AMZ1: variants seen among roughly 807,000 people sequenced by gnomAD.
The protein encoded by AMZ1 is archaemetzincin-1.
A neutral mutation model predicts 29.9 loss-of-function variants in AMZ1; 39 were observed. That is an observed-to-expected ratio of 1.30 (90% CI 1.01 to 1.70). The LOEUF is 1.70. Ranked by LOEUF, AMZ1 falls within the 40% of genes most tolerant of loss-of-function variation. The pLI is 0.00. For missense variants in AMZ1, 1,041 were observed against 680.6 expected (o/e 1.53, Z -5.89); for synonymous variants, 458 against 304.0 (o/e 1.51, Z -5.27).
chr7:2,752,264 C>T (rs546940919), intron 4 of AMZ1, among the ~76,000 whole-genome samples: 1 of 152,256 alleles, frequency 6.6e-6, no homozygotes, highest in South Asian at 2.1e-4. Flanking sequence ...AGTCCTCTCT[C>T]ACCAGACTAA....
chr7:2,712,722 C>T lies in AMZ1; in HGVS notation c.1341C>T (p.Leu447=), dbSNP rs553255676. ...GCTGGGAGATGTTCACGGGCCAGCT[C>T]CCGGCCACCAGGCAGGACCCACCCA... The part of the protein sequence containing the change: ...LDRWEMFTGQ[L]PATRQDPPSS... The change falls in exon 7 of 7, where the codon CTC becomes CTT. Residue 447 remains leucine (L), a synonymous_variant. Transcript: ENST00000683327. 5.0e-6 allele frequency: 8 copies of T among 1,609,182 alleles called. No homozygotes were observed. The highest frequency in any genetic ancestry group is 6.8e-6 in the Non-Finnish European group (8 of 1,177,728).
At chr7:2,711,436 C>G (rs1002154388) in intron 6 of AMZ1, among the ~76,000 whole-genome samples, 1 of 152,224 alleles carries the variant, frequency 6.6e-6, no homozygotes, top group Non-Finnish European at 1.5e-5. Context: ...AATGTGATGT[C>G]AGTGAGTGCT....
intron 4 of AMZ1, among the ~76,000 whole-genome samples, chr7:2,751,476 T>G (rs139459823): frequency 6.7e-6 from 1 of 149,878 alleles, no homozygotes; most frequent in Non-Finnish European, 1.5e-5. Context: ...TCAAAGAGCT[T>G]AATGAAGAGC....
Position 2,709,661 on chromosome 7 carries a change from C to T in AMZ1, c.793C>T (p.His265Tyr), listed in dbSNP as rs532321786. 7 of 1,609,992 alleles carry T rather than the reference C, an allele frequency of 4.3e-6. No individual in the cohort carries two copies. In the South Asian group the frequency reaches 7.7e-5, roughly 18 times the overall value. The change falls in exon 6 of 7, where the codon CAC (histidine) becomes TAC (tyrosine). Residue 265 changes from histidine to tyrosine, a missense_variant. Coordinates refer to ENST00000683327, the MANE Select transcript of AMZ1 (RefSeq NM_001384743.1). ...CCKVTCHELC[H>Y]LLGLGNCRWL... Reference sequence around the variant, plus strand: ...CCAGGTCACGTGCCACGAGCTCTGCCACCTTCTGGGCCTGGGGAACTGCCG... The same window carrying T: ...CCAGGTCACGTGCCACGAGCTCTGCTACCTTCTGGGCCTGGGGAACTGCCG...
intron 1 of AMZ1, among the ~76,000 whole-genome samples, chr7:2,680,221 G>A (rs1041077496): frequency 6.6e-6 from 1 of 152,152 alleles, no homozygotes; most frequent in Non-Finnish European, 1.5e-5. Context: ...TGGGATGGGA[G>A]GCGCTGAGAA....
chr7:2,731,655 C>T lies in AMZ1; in HGVS notation n.550+21839C>T. 1 of 1,612,860 alleles carries T rather than the reference C, an allele frequency of 6.2e-7. No homozygotes were observed. Among genetic ancestry groups the T allele is most frequent in the African/African-American group, 1.3e-5 (1 of 75,002 alleles). Reference sequence around the variant, plus strand: ...ACCGCTGGCCGCCCACATCCACCATCTTAAAGGGGATCTTCTTAATAACGA... The same window carrying T: ...ACCGCTGGCCGCCCACATCCACCATTTTAAAGGGGATCTTCTTAATAACGA... On this transcript the variant is annotated intron_variant and non_coding_transcript_variant, in intron 4 of 4. Transcript: ENST00000489665. The surrounding 1 kb of genome is among the most constrained non-coding windows in gnomAD (Gnocchi z 6.0).
chr7:2,742,597 C>T (rs149847001), intron 4 of AMZ1, among the ~76,000 whole-genome samples: 86 of 152,240 alleles, frequency 5.6e-4, no homozygotes, highest in African/African-American at 1.7e-3. Flanking sequence ...TGAGTCTCGC[C>T]GGCCCTTTGC....
rs112550245 is a variant in AMZ1, at chr7:2,697,924, G to C, written c.-218-2310G>C. 5.9e-3 allele frequency among the ~76,000 whole-genome samples: 903 copies of C among 152,172 alleles called. 16 individuals carry two copies. Among genetic ancestry groups the C allele is most frequent in the African/African-American group, 0.021 (873 of 41,506 alleles). On this transcript the variant is annotated intron_variant, in intron 1 of 6. Coordinates refer to ENST00000683327, the MANE Select transcript of AMZ1 (RefSeq NM_001384743.1). ...CCCCTCCCCTACTCTAAGCCAGTAC[G>C]TTCCTCTGGAAAAAAAATATATTTG...
In AMZ1 at chr7:2,719,139, TG is replaced by T. The variant is rs1181740964; in HGVS notation, c.*6264del. On this transcript the variant is annotated 3_prime_UTR_variant, in exon 7 of 7. Transcript: ENST00000683327. ...GTGAGGGCTCGAGGCCTTTACTGGA[TG>T]GGCAGGATGCGGGCAGCAGCTTTGT... 6.6e-6 allele frequency among the ~76,000 whole-genome samples: 1 copy of T among 152,018 alleles called. No homozygotes were observed. Among genetic ancestry groups the T allele is most frequent in the East Asian group, 1.9e-4 (1 of 5,180 alleles).
downstream of AMZ1, among the ~76,000 whole-genome samples, chr7:2,721,172 C>A (rs865862514): frequency 6.6e-6 from 1 of 152,114 alleles, no homozygotes; most frequent in African/African-American, 2.4e-5. Context: ...CAACCCAGGA[C>A]GCCTGTGCCT....
intron 1 of AMZ1, among the ~76,000 whole-genome samples, chr7:2,681,364 C>T (rs138978256): frequency 1.2e-3 from 188 of 152,232 alleles, no homozygotes; most frequent in African/African-American, 4.2e-3. Flanking sequence ...CATGCCACCA[C>T]GCCCTCAGGT....
At chr7:2,735,931 C>T (rs2115302380) in intron 4 of AMZ1, among the ~76,000 whole-genome samples, 1 of 152,242 alleles carries the variant, frequency 6.6e-6, no homozygotes, top group African/African-American at 2.4e-5. Flanking sequence ...CCTGTGTGAT[C>T]CAGAACGCTG....
At chr7:2,742,361 G>A (rs1467209838) in intron 4 of AMZ1, among the ~76,000 whole-genome samples, 1 of 152,088 alleles carries the variant, frequency 6.6e-6, no homozygotes, top group Non-Finnish European at 1.5e-5. Context: ...ACGGCCCTTG[G>A]GGTTTTTGCG....
downstream of AMZ1, among the ~76,000 whole-genome samples, chr7:2,724,161 C>T (rs1423466618): frequency 6.6e-6 from 1 of 152,084 alleles, no homozygotes; most frequent in Non-Finnish European, 1.5e-5. Context: ...CCTCGTGATC[C>T]ACCCGCCTCA....
At chr7:2,701,752 C>T (rs1788066904) in intron 2 of AMZ1, among the ~76,000 whole-genome samples, 1 of 152,350 alleles carries the variant, frequency 6.6e-6, no homozygotes, top group South Asian at 2.1e-4. Context: ...GGGCTGACCT[C>T]GCCTGGCCTT....
intron 4 of AMZ1, among the ~76,000 whole-genome samples, chr7:2,726,513 G>A (rs1404552388): frequency 1.3e-5 from 2 of 152,234 alleles, no homozygotes; most frequent in African/African-American, 2.4e-5. Context: ...CCCCAGGGCA[G>A]AGAGCCACTA....
rs1355797817 is a variant in AMZ1 at position 2,717,851 on chromosome 7, G to C, written c.*4973G>C. ...CAAATGAAAACAGGCTGATGTCAGG[G>C]GTTTATTTTAAAAAGCAATTTCCAA... On this transcript the variant is annotated 3_prime_UTR_variant, in exon 7 of 7. Transcript: ENST00000683327. 1.3e-5 allele frequency among the ~76,000 whole-genome samples: 2 copies of C among 152,256 alleles called. No individual in the cohort carries two copies. The highest frequency in any genetic ancestry group is 3.9e-4 in the East Asian group (2 of 5,176).
rs59783571 is a variant in AMZ1, at chr7:2,699,251, G to A, written c.-218-983G>A. Among the ~76,000 whole-genome samples the A allele has an allele frequency of 2.7e-3, 406 of 152,280 alleles. 2 individuals are homozygous for A. Among genetic ancestry groups the A allele is most frequent in the African/African-American group, 9.5e-3 (396 of 41,572 alleles). Reference sequence around the variant, plus strand: ...CCAAGTGTGCGGTGACGACTCTCAGGCGTGTTCCTAAGTGTGGGGTTGCCT... The same window carrying A: ...CCAAGTGTGCGGTGACGACTCTCAGACGTGTTCCTAAGTGTGGGGTTGCCT... On this transcript the variant is annotated intron_variant, in intron 1 of 6. Transcript: ENST00000683327.
At chr7:2,752,657 A>G (rs76760611) in intron 4 of AMZ1, among the ~76,000 whole-genome samples, 3,872 of 152,354 alleles carry the variant, frequency 0.025, 122 homozygotes, top group Middle Eastern at 0.075. Context: ...CATACTGCCA[A>G]TAACCCAATG....
Sources: allele counts gnomAD v4.1 joint callset (sites outside exome capture counted in the v4.1 genomes callset), GRCh38; gene constraint gnomAD v4.1.1; non-coding constraint Gnocchi (gnomAD v3.1); transcripts MANE v1.5; gene names NCBI Gene and HGNC (gene_info 2026-07-23, HGNC 2026-07-21).